DCDC1: variants seen among roughly 807,000 people sequenced by gnomAD.
DCDC1 encodes the protein doublecortin domain containing 1.
DCDC1 carries 200 observed loss-of-function variants against 178.3 expected under a neutral mutation model. The ratio of observed to expected loss-of-function variants is 1.12; its 90% CI spans 1.00 to 1.26. The LOEUF is 1.26. Ranked by LOEUF, DCDC1 falls within the 50% of genes most tolerant of loss-of-function variation. DCDC1 has a pLI of 0.00. For synonymous variants in DCDC1, 690 were observed against 604.8 expected (o/e 1.14, Z -2.07); for missense variants, 1,983 against 1,749.2 (o/e 1.13, Z -2.38).
intron 1 of DCDC1, among the ~76,000 whole-genome samples, chr11:31,340,319 A>C (rs1027278349): frequency 6.6e-6 from 1 of 152,020 alleles, no homozygotes; most frequent in Non-Finnish European, 1.5e-5. Flanking sequence ...GACTGTGTGG[A>C]GTGTATGTGG....
At chr11:30,995,811 A>G (rs1951232280) in intron 20 of DCDC1, among the ~76,000 whole-genome samples, 1 of 152,196 alleles carries the variant, frequency 6.6e-6, no homozygotes. Context: ...ATGGCAAAAT[A>G]TAAAACTCTT....
At position 31,125,392 on chromosome 11, in the gene DCDC1, G is replaced by T. The variant is rs1243524670; in HGVS notation, c.1485+2077C>A. On this transcript the variant is annotated intron_variant, in intron 11 of 38. Coordinates refer to ENST00000684477, the MANE Select transcript of DCDC1 (RefSeq NM_001387274.1). Reference sequence around the variant, plus strand: ...GTGATTCCTCAAAGATTTAGAACTGGAAGTACCATTTGATCCAGCATCTCA... The same window carrying T: ...GTGATTCCTCAAAGATTTAGAACTGTAAGTACCATTTGATCCAGCATCTCA... 4.6e-5 allele frequency among the ~76,000 whole-genome samples: 7 copies of T among 152,146 alleles called. No homozygotes were observed. In the East Asian group the frequency reaches 1.3e-3, roughly 29 times the overall value.
chr11:31,349,658 A>T (rs993111040), intron 1 of DCDC1, among the ~76,000 whole-genome samples: 4 of 151,996 alleles, frequency 2.6e-5, no homozygotes, highest in African/African-American at 9.7e-5. Flanking sequence ...AGTCTTTATG[A>T]TTTTACAGAT....
chr11:31,286,650 TA>T (rs1023051011), intron 7 of DCDC1, among the ~76,000 whole-genome samples: 3 of 152,142 alleles, frequency 2.0e-5, no homozygotes, highest in African/African-American at 7.2e-5. Flanking sequence ...CTTAAACTAG[TA>T]AAAGTAAATT....
Position 31,257,991 on chromosome 11 carries a change from T to C in DCDC1, c.1054+7516A>G, listed in dbSNP as rs114942175. 5.6e-3 allele frequency among the ~76,000 whole-genome samples: 856 copies of C among 152,264 alleles called. 10 individuals are homozygous for C. Among genetic ancestry groups the C allele is most frequent in the African/African-American group, 0.019 (807 of 41,542 alleles). ...GGTATTTACATTACAGATAAATTTA[T>C]AGTAAGAGCAACTGGGGAATCACTT... is the stretch of plus-strand genomic sequence containing the variant. On this transcript the variant is annotated intron_variant, in intron 8 of 38. Coordinates refer to ENST00000684477, the MANE Select transcript of DCDC1 (RefSeq NM_001387274.1).
chr11:31,355,193 T>G (rs1951276843), intron 1 of DCDC1, among the ~76,000 whole-genome samples: 1 of 152,140 alleles, frequency 6.6e-6, no homozygotes, highest in African/African-American at 2.4e-5. Context: ...TACCTCTTAT[T>G]TGGTTACAGG....
chr11:30,988,676 A>G (rs1342306470), intron 20 of DCDC1, among the ~76,000 whole-genome samples: 1 of 152,216 alleles, frequency 6.6e-6, no homozygotes, highest in Non-Finnish European at 1.5e-5. Context: ...CTTGAGCCAC[A>G]CATAAAATAC....
At chr11:31,200,459 C>G (rs766247322) in intron 9 of DCDC1, among the ~76,000 whole-genome samples, 17 of 151,888 alleles carry the variant, frequency 1.1e-4, no homozygotes, top group Non-Finnish European at 2.5e-4. Flanking sequence ...GGAAGAAATG[C>G]CAGAGTGGCA....
In DCDC1 at chr11:31,357,926, A is replaced by G. The variant is rs373626545; in HGVS notation, c.-125+11771T>C. 3.5e-4 allele frequency among the ~76,000 whole-genome samples: 53 copies of G among 152,362 alleles called. No homozygotes were observed. The East Asian group carries it at 7.5e-3, about 22-fold the overall frequency. On this transcript the variant is annotated intron_variant, in intron 1 of 38. Coordinates refer to ENST00000684477, the MANE Select transcript of DCDC1 (RefSeq NM_001387274.1). The stretch of plus-strand genomic sequence containing the variant: ...AAGGAGAGCTACAAACCACTGCTCA[A>G]TGAAATAAAAGAGGATACAACAAAC...
At chr11:30,972,108 G>C (rs2134693923) in intron 20 of DCDC1, among the ~76,000 whole-genome samples, 1 of 152,256 alleles carries the variant, frequency 6.6e-6, no homozygotes, top group South Asian at 2.1e-4. Flanking sequence ...AAGAGATTTA[G>C]ACATCCAAGT....
chr11:30,948,285 T>C (rs573175489), intron 21 of DCDC1, among the ~76,000 whole-genome samples: 2 of 152,230 alleles, frequency 1.3e-5, no homozygotes, highest in South Asian at 4.1e-4. Flanking sequence ...TACCTAGGAA[T>C]ACAACTTACA....
intron 9 of DCDC1, among the ~76,000 whole-genome samples, chr11:31,226,941 T>C (rs1442040637): frequency 1.3e-5 from 2 of 151,918 alleles, no homozygotes; most frequent in Admixed American, 6.6e-5. Context: ...AAAAATAAAA[T>C]AGACGACAAC....
intron 20 of DCDC1, among the ~76,000 whole-genome samples, chr11:31,017,390 T>G (rs1218056814): frequency 1.3e-5 from 2 of 152,188 alleles, no homozygotes; most frequent in East Asian, 3.8e-4. Context: ...TTGTGATTTT[T>G]AAAATAACAT....
intron 36 of DCDC1, among the ~76,000 whole-genome samples, chr11:30,887,782 G>A (rs1943307532): frequency 6.6e-6 from 1 of 152,034 alleles, no homozygotes; most frequent in Non-Finnish European, 1.5e-5. Flanking sequence ...GGCCAAGGCG[G>A]GGGGATCACT....
At chr11:30,987,381 T>A (rs1424674973) in intron 20 of DCDC1, among the ~76,000 whole-genome samples, 1 of 152,166 alleles carries the variant, frequency 6.6e-6, no homozygotes, top group African/African-American at 2.4e-5. Context: ...AAACATTTCT[T>A]AATTATCTAC....
In DCDC1 at chr11:30,931,791, G is replaced by C; in HGVS notation, c.2877C>G (p.Ile959Met). Reference sequence around the variant, plus strand: ...CTTACTGCGTTTTCCGTCCAGGTGAGATATCTGGACCAAGGATAGTAACGG... The same window carrying C: ...CTTACTGCGTTTTCCGTCCAGGTGACATATCTGGACCAAGGATAGTAACGG... Reference protein sequence around the residue: ...NRSVTILGPDISPGRKTQCTE... With the variant: ...NRSVTILGPDMSPGRKTQCTE... The change falls in exon 22 of 39, where the codon ATC becomes ATG. Residue 959 changes from isoleucine to methionine, a missense_variant. Transcript: ENST00000684477. 6.2e-7 allele frequency: 1 copy of C among 1,611,842 alleles called. No individual in the cohort carries two copies. Among genetic ancestry groups the C allele is most frequent in the Non-Finnish European group, 8.5e-7 (1 of 1,178,788 alleles).
intron 20 of DCDC1, among the ~76,000 whole-genome samples, chr11:30,991,444 T>C (rs1332674787): frequency 1.3e-5 from 2 of 152,142 alleles, no homozygotes; most frequent in Non-Finnish European, 2.9e-5. Flanking sequence ...AAAACTGAAT[T>C]GTATTGGTGC....
chr11:31,193,218 T>C (rs1353537392), intron 9 of DCDC1, among the ~76,000 whole-genome samples: 2 of 152,052 alleles, frequency 1.3e-5, no homozygotes, highest in Admixed American at 6.6e-5. Context: ...CCAATTACCA[T>C]AACAAATCAA....
At chr11:31,180,174 G>T (rs1020883175) in intron 9 of DCDC1, among the ~76,000 whole-genome samples, 3 of 152,064 alleles carry the variant, frequency 2.0e-5, no homozygotes, top group African/African-American at 7.2e-5. Flanking sequence ...CTAGCCAATG[G>T]GTATAAAGTT....
Sources: gnomAD v4.1 joint callset for allele counts (sites outside exome capture counted in the v4.1 genomes callset) on GRCh38, gnomAD v4.1.1 for gene constraint, MANE v1.5 for transcripts, NCBI Gene and HGNC (gene_info 2026-07-23, HGNC 2026-07-21) for gene names.